The following HOMER2 variants were observed in gnomAD, a reference collection of about 807,000 sequenced individuals.
The protein encoded by HOMER2 is homer protein homolog 2.
Under a neutral mutation model 47.0 loss-of-function variants are expected in HOMER2, and 27 were observed. The ratio of observed to expected loss-of-function variants is 0.57; its 90% CI spans 0.42 to 0.79. The LOEUF (loss-of-function observed/expected upper bound fraction) is 0.79, where lower values mean the gene tolerates loss of function less well. Among genes scored for constraint, HOMER2 ranks in the 30% least tolerant of loss-of-function variants. HOMER2 has a pLI of 0.00. For missense variants in HOMER2, 443 were observed against 435.0 expected, an observed-to-expected ratio of 1.02 and a Z score of -0.16; for synonymous variants, 161 against 163.8, an observed-to-expected ratio of 0.98 and a Z score of 0.13.
chr15:82,957,047 C>A (rs781502135), upstream of HOMER2, among the ~76,000 whole-genome samples: 1 of 152,056 alleles, frequency 6.6e-6, no homozygotes, highest in South Asian at 2.1e-4. Context: ...GAGGCTGAGC[C>A]GGGTAGATCA....
At chr15:82,881,897 G>A (rs926687617) in intron 2 of HOMER2, among the ~76,000 whole-genome samples, 1 of 152,160 alleles carries the variant, frequency 6.6e-6, no homozygotes, top group African/African-American at 2.4e-5. Context: ...AGAGCTCCCA[G>A]GAGAAGCACC....
intron 1 of HOMER2, among the ~76,000 whole-genome samples, chr15:82,903,298 T>C (rs1334806453): frequency 1.3e-5 from 2 of 152,080 alleles, no homozygotes; most frequent in Non-Finnish European, 2.9e-5. Flanking sequence ...CGTGAAGAGC[T>C]TGGAAGTCGC....
At position 82,849,653 on chromosome 15, in the gene HOMER2, G is replaced by A; in HGVS notation, c.*62C>T. 6.9e-7 allele frequency: 1 copy of A among 1,451,972 alleles called. No homozygotes were observed. The highest frequency in any genetic ancestry group is 9.4e-7 in the Non-Finnish European group (1 of 1,061,212). 89.9% of individuals were successfully genotyped at this position (1,451,972 alleles called of 1,614,324 possible). ...GCAATGCACACAGAAGAACGTCCTA[G>A]AGCTATCTGGTCTCGCACACACGCT... On this transcript the variant is annotated 3_prime_UTR_variant, in exon 9 of 9. Coordinates refer to ENST00000450735, the MANE Select transcript of HOMER2 (RefSeq NM_004839.4).
intron 3 of HOMER2, among the ~76,000 whole-genome samples, chr15:82,872,337 C>A (rs1693767815): frequency 3.9e-5 from 6 of 152,196 alleles, no homozygotes; most frequent in Admixed American, 3.9e-4. Context: ...CACCCTCCAT[C>A]CCTCATCACC....
intron 1 of HOMER2, among the ~76,000 whole-genome samples, chr15:82,912,545 G>T (rs185573396): frequency 2.2e-4 from 34 of 152,140 alleles, no homozygotes; most frequent in Admixed American, 2.2e-3. Flanking sequence ...ATGCTGCTAT[G>T]AATATCCATA....
At chr15:82,932,678 CCT>C (rs2151199397) in intron 1 of HOMER2, among the ~76,000 whole-genome samples, 1 of 152,222 alleles carries the variant, frequency 6.6e-6, no homozygotes, top group Admixed American at 6.5e-5. Flanking sequence ...GAGCCACACC[CCT>C]GAGCCTCCAC....
intron 1 of HOMER2, among the ~76,000 whole-genome samples, chr15:82,898,711 T>G (rs1450275399): frequency 1.3e-5 from 2 of 152,214 alleles, no homozygotes; most frequent in African/African-American, 4.8e-5. Context: ...CTTTGAACAA[T>G]TTCTGGCTCC....
chr15:82,906,358 T>C (rs1282527438), intron 1 of HOMER2, among the ~76,000 whole-genome samples: 1 of 151,494 alleles, frequency 6.6e-6, no homozygotes, highest in Non-Finnish European at 1.5e-5. Context: ...ACCTTAAATG[T>C]CAATGTTCTA....
intron 1 of HOMER2, among the ~76,000 whole-genome samples, chr15:82,943,158 T>C (rs2054300922): frequency 6.6e-6 from 1 of 152,250 alleles, no homozygotes; most frequent in Non-Finnish European, 1.5e-5. Context: ...GTGTCCGGCA[T>C]TGTGCTAAAT....
At chr15:82,855,799 C>T (rs1204981796) in intron 5 of HOMER2, among the ~76,000 whole-genome samples, 6 of 152,244 alleles carry the variant, frequency 3.9e-5, no homozygotes, top group Admixed American at 1.3e-4. Context: ...TCTGATTCTA[C>T]ATGCTTGGTG....
At chr15:82,844,433 A>T (rs770461218), downstream of HOMER2, 3 of 152,218 alleles carry the variant, frequency 2.0e-5, no homozygotes, top group East Asian at 1.9e-4. Context: ...ATGTAATTAC[A>T]TATTTACTGA....
exon 2 of HOMER2, chr15:82,839,883 G>A (rs1442673917): frequency 6.6e-6 from 1 of 151,988 alleles, no homozygotes; most frequent in African/African-American, 2.4e-5. Context: ...TAAAAATCAG[G>A]TCTCAAGAAA....
At chr15:82,984,875 A>G (rs770644413) in intron 1 of HOMER2, among the ~76,000 whole-genome samples, 3 of 152,212 alleles carry the variant, frequency 2.0e-5, no homozygotes, top group Non-Finnish European at 4.4e-5. Context: ...CAGAATGTAG[A>G]AATGCATTAG....
chr15:82,846,614 G>T (rs532726362), downstream of HOMER2: 3 of 148,340 alleles, frequency 2.0e-5, no homozygotes, highest in Admixed American at 6.7e-5. Context: ...GACCCTGGGC[G>T]TGTCACTTTC....
chr15:82,932,164 C>A (rs1345211990), intron 1 of HOMER2, among the ~76,000 whole-genome samples: 3 of 152,170 alleles, frequency 2.0e-5, no homozygotes, highest in Non-Finnish European at 4.4e-5. Flanking sequence ...GGTGGGCAAG[C>A]AAAGGCCTAT....
chr15:82,871,379 C>T (rs773382309), intron 3 of HOMER2, among the ~76,000 whole-genome samples: 14 of 152,188 alleles, frequency 9.2e-5, no homozygotes, highest in Non-Finnish European at 1.8e-4. Flanking sequence ...CATTTCCCTA[C>T]AGGGCTGTGG....
upstream of HOMER2, among the ~76,000 whole-genome samples, chr15:82,956,010 C>G (rs2054584334): frequency 6.6e-6 from 1 of 152,008 alleles, no homozygotes; most frequent in South Asian, 2.1e-4. Context: ...GAGGCCAAGG[C>G]AGGCAGATCA....
rs143540335 is a variant in HOMER2, at chr15:82,882,554, T to A, written c.163-7150A>T. Reference sequence around the variant, plus strand: ...ACAGCTGGAACTGACACATGAAACATTGTCCCGGGGAAGAAGGAAATGTCT... The same window carrying A: ...ACAGCTGGAACTGACACATGAAACAATGTCCCGGGGAAGAAGGAAATGTCT... On this transcript the variant is annotated intron_variant, in intron 2 of 8. Transcript: ENST00000450735. Among the ~76,000 whole-genome samples, 12 of 152,282 alleles carry A rather than the reference T, an allele frequency of 7.9e-5. No individual in the cohort carries two copies. In the East Asian group the frequency reaches 2.1e-3, roughly 27 times the overall value.
chr15:82,900,659 A>C (rs540242705), intron 1 of HOMER2, among the ~76,000 whole-genome samples: 1 of 152,086 alleles, frequency 6.6e-6, no homozygotes, highest in African/African-American at 2.4e-5. Flanking sequence ...AAGCCTAAAG[A>C]AGTGAGTGCA....
Sources: allele counts gnomAD v4.1 joint callset (sites outside exome capture counted in the v4.1 genomes callset), GRCh38; gene constraint gnomAD v4.1.1; transcripts MANE v1.5; gene names NCBI Gene and HGNC (gene_info 2026-07-23, HGNC 2026-07-21).